The following CDHR1 variants were observed in gnomAD, a reference collection of about 807,000 sequenced individuals.
CDHR1 encodes the protein cadherin related family member 1, also known as cadherin-related family member 1.
CDHR1 carries 61 observed loss-of-function variants against 72.1 expected under a neutral mutation model. That is an observed-to-expected ratio of 0.85 (90% CI 0.69 to 1.05). The LOEUF (loss-of-function observed/expected upper bound fraction) is 1.05. Among genes scored for constraint, CDHR1 ranks in the 50% least tolerant of loss-of-function variants. The probability of loss-of-function intolerance (pLI) is 0.00; values close to 1 mark genes in which losing one functional copy is unlikely to be tolerated. For missense variants in CDHR1, 1,186 were observed against 1,115.7 expected (o/e 1.06, Z -0.90); for synonymous variants, 470 against 448.1 (o/e 1.05, Z -0.62).
chr10:84,212,498 A>T, intron 15 of CDHR1, 91 bp downstream of exon 15: 1 of 1,171,512 alleles, frequency 8.5e-7, no homozygotes, highest in Admixed American at 1.9e-5. Context: ...TGAAGATAAA[A>T]TTTTTTGGCT....
chr10:84,216,020 T>G lies in CDHR1; in HGVS notation c.*1399T>G. 1 of 985,454 alleles carries G rather than the reference T, an allele frequency of 1.0e-6. No individual in the cohort carries two copies. Among genetic ancestry groups the G allele is most frequent in the Non-Finnish European group, 1.2e-6 (1 of 829,942 alleles). 61.0% of individuals were successfully genotyped at this position (985,454 alleles called of 1,614,324 possible). On this transcript the variant is annotated 3_prime_UTR_variant, in exon 17 of 17. Transcript: ENST00000623527. ...AGATCTTGTCTAGCCAGGGCAGCCC[T>G]TATCAGCTTGTGACAACCTTCCCCA...
chr10:84,213,174 C>T lies in CDHR1; in HGVS notation c.1866C>T (p.Ile622=). Residue 622 remains isoleucine, a synonymous_variant, in exon 16 of 17, where the codon ATC becomes ATT. Transcript: ENST00000623527. Reference sequence around the variant, plus strand: ...CAGAGCCCGCCAACGTGTTCGACATCAATTCCCACACGGGGGAGATCTGGC... The same window carrying T: ...CAGAGCCCGCCAACGTGTTCGACATTAATTCCCACACGGGGGAGATCTGGC... ...THAEPANVFD[I]NSHTGEIWLK... The T allele has an allele frequency of 6.2e-7, 1 of 1,614,226 alleles. No homozygotes were observed. The highest frequency in any genetic ancestry group is 8.5e-7 in the Non-Finnish European group (1 of 1,180,046).
In CDHR1 at chr10:84,208,754, A is replaced by T; in HGVS notation, c.1193A>T (p.Gln398Leu). Residue 398 changes from glutamine (Q) to leucine (L), a missense_variant, in exon 12 of 17, where the codon CAG becomes CTG. Gln to Leu is a moderately radical substitution (Grantham distance 113). Transcript: ENST00000623527. ...GGAGCCAATGCCAAATTCAACTTGC[A>T]GCTGGTGGGACCCAGGGGCATCTTC... ...DQGANAKFNL[Q>L]LVGPRGIFRV... is the part of the protein sequence containing the mutation. The T allele has an allele frequency of 1.9e-6, 3 of 1,614,226 alleles. No homozygotes were observed. The South Asian group carries it at 3.3e-5, about 18-fold the overall frequency.
chr10:84,198,908 G>C, intron 4 of CDHR1, 124 bp from the exon 5 acceptor site: 1 of 646,870 alleles, frequency 1.5e-6, no homozygotes, highest in South Asian at 1.9e-5. Context: ...AAGGAAGAGA[G>C]AGAGAGAGAG....
At chr10:84,198,965 G>A in intron 4 of CDHR1, 67 bp from the exon 5 acceptor site, 2 of 1,167,596 alleles carry the variant, frequency 1.7e-6, no homozygotes, top group Non-Finnish European at 2.5e-6. Context: ...AGTGATAGAG[G>A]TCGCTATCCA....
At chr10:84,219,455 A>C, downstream of CDHR1, 2 of 1,023,184 alleles carry the variant, frequency 2.0e-6, no homozygotes, top group Non-Finnish European at 2.6e-6. Flanking sequence ...CATGTGCACC[A>C]CCAAGCTTCT....
At position 84,214,822 on chromosome 10, in the gene CDHR1, T is replaced by C. The variant is rs986275387; in HGVS notation, c.*201T>C. 4.0e-6 allele frequency: 6 copies of C among 1,494,718 alleles called. No homozygotes were observed. The African/African-American group carries it at 5.6e-5, about 14-fold the overall frequency. The allele number at this position is 1,494,718 out of a possible 1,614,324, so 92.6% of individuals were successfully genotyped here. A position where few individuals can be genotyped will look rare whatever the true frequency, so the allele number is the denominator to read the frequency against. ...TCTGACAGGGCTCTAGTCAGGGCCT[T>C]GGGCAAGACATTGGGCTCTAGGATG... is the stretch of plus-strand genomic sequence containing the variant. On this transcript the variant is annotated 3_prime_UTR_variant, in exon 17 of 17. Transcript: ENST00000623527.
Position 84,203,052 on chromosome 10 carries a change from GA to G in CDHR1, c.713del (p.Asp238ValfsTer29). 2 of 1,614,238 alleles carry G rather than the reference GA, an allele frequency of 1.2e-6. No homozygotes were observed. The highest frequency in any genetic ancestry group is 1.7e-6 in the Non-Finnish European group (2 of 1,180,044). On this transcript the variant is annotated frameshift_variant, in exon 8 of 17. Transcript: ENST00000623527. LOFTEE classifies it high-confidence loss of function. ...ATTTVTVNVEDVQDMAPVFVG... is the reference protein window; with the variant it reads ...ATTTVTVNVEXVQDMAPVFVG... ...CACCACGGTCACGGTCAATGTGGAGGATGTTCAGGACATGGCCCCTGTCTTC... is the reference window on the plus strand; with the variant it reads ...CACCACGGTCACGGTCAATGTGGAGGTGTTCAGGACATGGCCCCTGTCTTC...
chr10:84,217,328 G>A lies in CDHR1; in HGVS notation c.*2707G>A, dbSNP rs1473596187. On this transcript the variant is annotated 3_prime_UTR_variant, in exon 17 of 17. Coordinates refer to ENST00000623527, the MANE Select transcript of CDHR1 (RefSeq NM_033100.4). ...GCCCATTCCTGGCCCTGAGAATGGA[G>A]CTGTAGCCTCATGGACAATAAATGG... 1 of 985,176 alleles carries A rather than the reference G, an allele frequency of 1.0e-6. No individual in the cohort carries two copies. The highest frequency in any genetic ancestry group is 1.2e-6 in the Non-Finnish European group (1 of 829,826). The allele number at this position is 985,176 out of a possible 1,614,324, so 61.0% of individuals were successfully genotyped here. A position where few individuals can be genotyped will look rare whatever the true frequency, so the allele number is the denominator to read the frequency against.
chr10:84,197,299 C>A (rs1842045920), intron 3 of CDHR1, among the ~76,000 whole-genome samples: 1 of 152,090 alleles, frequency 6.6e-6, no homozygotes, highest in Non-Finnish European at 1.5e-5. Context: ...TCCCTGGCAC[C>A]CGCGGGATCT....
intron 11 of CDHR1, 57 bp downstream of exon 11, chr10:84,208,434 C>A: frequency 6.3e-7 from 1 of 1,576,168 alleles, no homozygotes; most frequent in African/African-American, 1.3e-5. Context: ...GCCAAGGTCC[C>A]AAAGCTAAGT....
chr10:84,218,282 C>T lies in CDHR1; in HGVS notation c.*3661C>T, dbSNP rs1322219555. The T allele has an allele frequency of 1.0e-6, 1 of 985,394 alleles. No individual in the cohort carries two copies. The highest frequency in any genetic ancestry group is 1.2e-6 in the Non-Finnish European group (1 of 829,924). 61.0% of individuals were successfully genotyped at this position (985,394 alleles called of 1,614,324 possible). ...CAGAATGAGGCGGTCATGGCTTAAG[C>T]GACCATCATTTGATCAATAAAGCAG... On this transcript the variant is annotated 3_prime_UTR_variant, in exon 17 of 17. Coordinates refer to ENST00000623527, the MANE Select transcript of CDHR1 (RefSeq NM_033100.4).
intron 8 of CDHR1, 96 bp from the exon 9 acceptor site, chr10:84,204,430 TG>T: frequency 2.3e-6 from 2 of 871,432 alleles, no homozygotes; most frequent in East Asian, 2.4e-5. Flanking sequence ...CTTTCCTAGG[TG>T]GGGGTAGCAC....
Position 84,205,878 on chromosome 10 carries a change from C to T in CDHR1, c.914C>T (p.Thr305Ile), listed in dbSNP as rs749058410. 1 of 1,614,164 alleles carries T rather than the reference C, an allele frequency of 6.2e-7. No homozygotes were observed. Among genetic ancestry groups the T allele is most frequent in the South Asian group, 1.1e-5 (1 of 91,084 alleles). The change falls in exon 10 of 17, where the codon ACT (threonine) becomes ATT (isoleucine). Residue 305 changes from threonine to isoleucine, a missense_variant. Coordinates refer to ENST00000623527, the MANE Select transcript of CDHR1 (RefSeq NM_033100.4). Reference protein sequence around the residue: ...INETSGAISITQSPAQLQREV... With the variant: ...INETSGAISIIQSPAQLQREV... ...GAGACATCTGGAGCCATCTCCATCACTCAGAGCCCGGCCCAGCTCCAGAGA... is the reference window on the plus strand; with the variant it reads ...GAGACATCTGGAGCCATCTCCATCATTCAGAGCCCGGCCCAGCTCCAGAGA...
At position 84,201,842 on chromosome 10, in the gene CDHR1, C is replaced by T. The variant is rs199825352; in HGVS notation, c.561C>T (p.Ser187=). 4.0e-5 allele frequency: 65 copies of T among 1,610,170 alleles called. No individual in the cohort carries two copies. The highest frequency in any genetic ancestry group is 3.3e-4 in the East Asian group (15 of 44,884). ...CCCCATTTGCCGTGGACCGCCACAG[C>T]GGTGTGCTGCGCCTCCAGGCTGGGG... ...LHSPFAVDRH[S]GVLRLQAGAT... The change falls in exon 7 of 17, where the codon AGC becomes AGT. Residue 187 remains serine, a synonymous_variant. Coordinates refer to ENST00000623527, the MANE Select transcript of CDHR1 (RefSeq NM_033100.4).
At position 84,218,431 on chromosome 10, in the gene CDHR1, C is replaced by T; in HGVS notation, c.*3810C>T. 1 of 985,400 alleles carries T rather than the reference C, an allele frequency of 1.0e-6. No homozygotes were observed. Among genetic ancestry groups the T allele is most frequent in the Non-Finnish European group, 1.2e-6 (1 of 829,916 alleles). The allele number at this position is 985,400 out of a possible 1,614,324, so 61.0% of individuals were successfully genotyped here. A position where few individuals can be genotyped will look rare whatever the true frequency, so the allele number is the denominator to read the frequency against. On this transcript the variant is annotated 3_prime_UTR_variant, in exon 17 of 17. Coordinates refer to ENST00000623527, the MANE Select transcript of CDHR1 (RefSeq NM_033100.4). ...TTTCTCAATAATTTACTCAGCCATT[C>T]CTAGGGTGACAAGTTTGGAGTATAT...
chr10:84,194,655 C>T lies in CDHR1; in HGVS notation c.-106C>T, dbSNP rs1013369478. 6.4e-6 allele frequency: 6 copies of T among 931,450 alleles called. No individual in the cohort carries two copies. Among genetic ancestry groups the T allele is most frequent in the Admixed American group, 8.1e-5 (2 of 24,542 alleles). The allele number at this position is 931,450 out of a possible 1,614,324, so 57.7% of individuals were successfully genotyped here. A position where few individuals can be genotyped will look rare whatever the true frequency, so the allele number is the denominator to read the frequency against. Reference sequence around the variant, plus strand: ...CCCCTCCCGCCGCGGCTGCAGTCGCCGCTACCCCCATTGTGGTCTCTGCCC... The same window carrying T: ...CCCCTCCCGCCGCGGCTGCAGTCGCTGCTACCCCCATTGTGGTCTCTGCCC... On this transcript the variant is annotated 5_prime_UTR_variant, in exon 1 of 17. Transcript: ENST00000623527.
Position 84,208,288 on chromosome 10 carries a change from C to CAAAACAGGTTTGAGCTGTCCATG in CDHR1, c.1081_1103dup (p.Asn368LysfsTer8), listed in dbSNP as rs759087179. ...AACATTCTATGGAGAGAGCGGACCC[C>CAAAACAGGTTTGAGCTGTCCATG]AAAACAGGTTTGAGCTGTCCATGAA... On this transcript the variant is annotated frameshift_variant, in exon 11 of 17. Coordinates refer to ENST00000623527, the MANE Select transcript of CDHR1 (RefSeq NM_033100.4). LOFTEE classifies it high-confidence loss of function. 3 of 1,614,160 alleles carry CAAAACAGGTTTGAGCTGTCCATG rather than the reference C, an allele frequency of 1.9e-6. No homozygotes were observed. The Admixed American group carries it at 5.0e-5, about 27-fold the overall frequency.
intron 3 of CDHR1, 83 bp downstream of exon 3, chr10:84,196,733 G>A (rs1219270929): frequency 1.3e-6 from 2 of 1,505,440 alleles, no homozygotes; most frequent in Non-Finnish European, 9.2e-7. Context: ...GAGCACATTG[G>A]TTAGAACCTC....
Sources: allele counts gnomAD v4.1 joint callset (sites outside exome capture counted in the v4.1 genomes callset), GRCh38; gene constraint gnomAD v4.1.1; transcripts MANE v1.5; gene names NCBI Gene and HGNC (gene_info 2026-07-23, HGNC 2026-07-21).